The following STAG1 variants were observed in gnomAD, a reference collection of about 807,000 sequenced individuals.
STAG1 encodes STAG1 cohesin complex component.
Under a neutral mutation model 170.9 loss-of-function variants are expected in STAG1, and 26 were observed. The observed-to-expected ratio is 0.15, with a 90% confidence interval of 0.11 to 0.21. STAG1 has a LOEUF of 0.21. Among genes scored for constraint, STAG1 ranks in the 10% least tolerant of loss-of-function variants. The pLI is 1.00. For synonymous variants in STAG1, 514 were observed against 497.7 expected (o/e 1.03, Z -0.44); for missense variants, 964 against 1,509.5 (o/e 0.64, Z 5.99).
intron 1 of STAG1, among the ~76,000 whole-genome samples, chr3:136,683,531 T>A (rs1266442654): frequency 6.6e-6 from 1 of 152,176 alleles, no homozygotes; most frequent in Non-Finnish European, 1.5e-5. Context: ...CCCAAAGTGC[T>A]AGGATTACTG....
chr3:136,404,227 T>C (rs1576432521), intron 21 of STAG1, among the ~76,000 whole-genome samples: 1 of 152,220 alleles, frequency 6.6e-6, no homozygotes, highest in African/African-American at 2.4e-5. Flanking sequence ...TGGATTAACA[T>C]TGCTCTGAGC....
At chr3:136,461,528 AC>A (rs1386085062) in intron 13 of STAG1, among the ~76,000 whole-genome samples, 1 of 152,058 alleles carries the variant, frequency 6.6e-6, no homozygotes, top group African/African-American at 2.4e-5. Flanking sequence ...GCAAAAGTGA[AC>A]AATCTGAAAA....
At chr3:136,579,819 T>C (rs1937552355) in intron 4 of STAG1, among the ~76,000 whole-genome samples, 1 of 152,112 alleles carries the variant, frequency 6.6e-6, no homozygotes, top group Non-Finnish European at 1.5e-5. Context: ...ATGCTGTCAG[T>C]GTATACGTAT....
intron 1 of STAG1, among the ~76,000 whole-genome samples, chr3:136,744,897 A>G (rs896185600): frequency 9.2e-5 from 14 of 152,152 alleles, no homozygotes; most frequent in Admixed American, 9.2e-4. Flanking sequence ...ACTGGTCTCC[A>G]ACTTCTGACC....
chr3:136,506,287 T>C (rs2107874021), intron 7 of STAG1, among the ~76,000 whole-genome samples: 1 of 152,172 alleles, frequency 6.6e-6, no homozygotes, highest in East Asian at 1.9e-4. Flanking sequence ...CTGGCTTAGA[T>C]TAACGTGGCA....
chr3:136,409,430 A>G (rs1384746613), intron 21 of STAG1, among the ~76,000 whole-genome samples: 1 of 151,910 alleles, frequency 6.6e-6, no homozygotes, highest in African/African-American at 2.4e-5. Flanking sequence ...TCTGCCTCCC[A>G]GGTACAAGAG....
intron 7 of STAG1, 49 bp from the exon 8 acceptor site, chr3:136,502,828 A>G: frequency 1.5e-6 from 2 of 1,373,206 alleles, no homozygotes; most frequent in South Asian, 3.9e-5. Flanking sequence ...AACTTTATCC[A>G]TATAAGATTA....
intron 5 of STAG1, among the ~76,000 whole-genome samples, chr3:136,543,412 G>A (rs946875873): frequency 2.0e-5 from 3 of 152,176 alleles, no homozygotes; most frequent in Admixed American, 6.6e-5. Flanking sequence ...GAAATACTGT[G>A]TTTTTGTTAT....
At chr3:136,611,290 C>T (rs1939263522) in intron 3 of STAG1, among the ~76,000 whole-genome samples, 1 of 151,954 alleles carries the variant, frequency 6.6e-6, no homozygotes, top group South Asian at 2.1e-4. Context: ...GCTGGGATTA[C>T]AAGCATGCGC....
intron 7 of STAG1, among the ~76,000 whole-genome samples, chr3:136,517,314 T>G (rs1934430219): frequency 6.6e-6 from 1 of 152,182 alleles, no homozygotes; most frequent in Non-Finnish European, 1.5e-5. Context: ...TTAACTCCCT[T>G]TTGTTCAAAT....
intron 7 of STAG1, among the ~76,000 whole-genome samples, chr3:136,512,025 T>C (rs1432518044): frequency 7.7e-6 from 1 of 129,340 alleles, no homozygotes; most frequent in Non-Finnish European, 1.5e-5. Context: ...GAGGCCAAGG[T>C]GGGAGGAAAG....
At chr3:136,349,654 A>G (rs1936361060) in intron 28 of STAG1, among the ~76,000 whole-genome samples, 1 of 152,170 alleles carries the variant, frequency 6.6e-6, no homozygotes, top group African/African-American at 2.4e-5. Flanking sequence ...GTTAAAAAAA[A>G]ATCAGAAGTT....
intron 1 of STAG1, among the ~76,000 whole-genome samples, chr3:136,681,801 A>G (rs1033863564): frequency 4.4e-4 from 67 of 152,232 alleles, no homozygotes; most frequent in African/African-American, 1.5e-3. Flanking sequence ...TCAATGCAGG[A>G]AAAAAAATGA....
At chr3:136,558,852 A>C (rs557979043) in intron 5 of STAG1, among the ~76,000 whole-genome samples, 8 of 152,254 alleles carry the variant, frequency 5.3e-5, no homozygotes, top group South Asian at 2.1e-4. Flanking sequence ...ATTACCCAAA[A>C]ATTTCCTTCA....
At chr3:136,550,811 G>A (rs1020596547) in intron 5 of STAG1, among the ~76,000 whole-genome samples, 12 of 151,704 alleles carry the variant, frequency 7.9e-5, no homozygotes, top group Non-Finnish European at 1.3e-4. Context: ...TGACCACAAA[G>A]GTTTTAAGAA....
intron 1 of STAG1, among the ~76,000 whole-genome samples, chr3:136,700,294 A>G (rs1943013744): frequency 6.6e-6 from 1 of 150,998 alleles, no homozygotes; most frequent in African/African-American, 2.4e-5. Flanking sequence ...AAAGACTTGA[A>G]GATAAAGGAT....
chr3:136,711,779 G>T (rs957788137), intron 1 of STAG1, among the ~76,000 whole-genome samples: 2 of 151,652 alleles, frequency 1.3e-5, no homozygotes, highest in African/African-American at 4.8e-5. Flanking sequence ...AAATGGTGCT[G>T]GAACAACTGG....
At chr3:136,582,068 T>A (rs1178195199) in intron 4 of STAG1, among the ~76,000 whole-genome samples, 1 of 152,240 alleles carries the variant, frequency 6.6e-6, no homozygotes, top group Non-Finnish European at 1.5e-5. Context: ...AAATAATTTG[T>A]TAAATCATCT....
At chr3:136,421,584 G>A (rs1419613454) in intron 19 of STAG1, among the ~76,000 whole-genome samples, 1 of 152,000 alleles carries the variant, frequency 6.6e-6, no homozygotes, top group South Asian at 2.1e-4. Context: ...TCAGTTACAT[G>A]GTCATCAGAG....
Sources: gnomAD v4.1 joint callset for allele counts (sites outside exome capture counted in the v4.1 genomes callset) on GRCh38, gnomAD v4.1.1 for gene constraint, MANE v1.5 for transcripts, NCBI Gene and HGNC (gene_info 2026-07-23, HGNC 2026-07-21) for gene names.